DCX: variants seen among roughly 807,000 people sequenced by gnomAD.
DCX encodes doublecortin.
DCX carries 4 observed loss-of-function variants against 20.9 expected under a neutral mutation model. That is an observed-to-expected ratio of 0.19 (90% confidence interval 0.09 to 0.44). The LOEUF (loss-of-function observed/expected upper bound fraction) is 0.44. Ranked by LOEUF, DCX falls within the 20% of genes least tolerant of loss-of-function variation. The pLI, the probability that DCX is intolerant of heterozygous loss-of-function variation, is 0.99. For missense variants in DCX, 133 were observed against 296.9 expected (o/e 0.45, Z 4.06); for synonymous variants, 103 against 111.4 (o/e 0.92, Z 0.47).
chrX:111,393,342 A>G (rs1025943306), intron 3 of DCX, among the ~76,000 whole-genome samples: 4 of 112,121 alleles, frequency 3.6e-5, no homozygotes, highest in African/African-American at 1.3e-4. Context: ...AATGGATCAG[A>G]GATTTAAATC....
chrX:111,362,977 T>C (rs184366666), intron 3 of DCX, among the ~76,000 whole-genome samples: 3 of 112,262 alleles, frequency 2.7e-5, no homozygotes, highest in African/African-American at 9.7e-5. Context: ...GTTTACAGGC[T>C]GGTAGAGGAG....
intron 3 of DCX, among the ~76,000 whole-genome samples, chrX:111,387,236 T>C (rs1477288778): frequency 8.9e-6 from 1 of 112,039 alleles, no homozygotes; most frequent in Non-Finnish European, 1.9e-5. Flanking sequence ...TTAATTTCTT[T>C]GAAAACCAGA....
At chrX:111,381,780 C>T (rs1925990723) in intron 3 of DCX, among the ~76,000 whole-genome samples, 1 of 111,187 alleles carries the variant, frequency 9.0e-6, no homozygotes, top group Non-Finnish European at 1.9e-5. Context: ...GGCTATGTGT[C>T]GTAAAACAAA....
chrX:111,316,090 A>T (rs187387293), intron 5 of DCX, among the ~76,000 whole-genome samples: 3,286 of 82,728 alleles, frequency 0.04, 165 homozygotes, highest in African/African-American at 0.2. Context: ...AAAAAATAAA[A>T]AAAAAAAAAA....
At chrX:111,315,158 C>A (rs1170253372) in intron 5 of DCX, among the ~76,000 whole-genome samples, 1 of 105,931 alleles carries the variant, frequency 9.4e-6, no homozygotes, top group African/African-American at 3.6e-5. Context: ...AGGAAGGGAT[C>A]CAGTTTCAGC....
intron 3 of DCX, among the ~76,000 whole-genome samples, chrX:111,370,845 C>T (rs1303344241): frequency 9.0e-6 from 1 of 111,388 alleles, no homozygotes; most frequent in Non-Finnish European, 1.9e-5. Context: ...GAAGAAATCC[C>T]CAGCATCAGT....
intron 3 of DCX, among the ~76,000 whole-genome samples, chrX:111,370,794 A>G (rs984091071): frequency 1.8e-5 from 2 of 110,686 alleles, no homozygotes; most frequent in African/African-American, 3.3e-5. Context: ...AAAAAAAAAA[A>G]TACATGTTCC....
rs779253686 is a variant in DCX, at chrX:111,312,718, C to T, written c.965G>A (p.Ser322Asn). 8.3e-7 allele frequency: 1 copy of T among 1,211,604 alleles called. No individual in the cohort carries two copies. Among genetic ancestry groups the T allele is most frequent in the Non-Finnish European group, 1.1e-6 (1 of 895,480 alleles). Residue 322 changes from serine (S) to asparagine (N), a missense_variant, in exon 6 of 7, where the codon AGC becomes AAC. Transcript: ENST00000636035. ...CTTAGACTTGGGGGTAGAGAGCTGG[C>T]TGCTGGAGGTTCCGTTTGCTAGCCC... ...NDQDANGTSS[S>N]QLSTPKSKQS...
intron 6 of DCX, among the ~76,000 whole-genome samples, chrX:111,310,603 T>C (rs1397738306): frequency 1.8e-5 from 2 of 112,111 alleles, no homozygotes; most frequent in African/African-American, 6.5e-5. Context: ...CAAATTTAAA[T>C]GTTTACTTTA....
At chrX:111,391,747 C>A (rs755172334) in intron 3 of DCX, among the ~76,000 whole-genome samples, 1 of 111,674 alleles carries the variant, frequency 9.0e-6, no homozygotes, top group African/African-American at 3.3e-5. Flanking sequence ...TGGTCGATGA[C>A]AACTGGGCTA....
chrX:111,339,517 T>C (rs1303338201), intron 3 of DCX, among the ~76,000 whole-genome samples: 1 of 111,919 alleles, frequency 8.9e-6, no homozygotes, highest in Admixed American at 9.5e-5. Context: ...ATTTGGCCCC[T>C]TGACCTTGAA....
intron 3 of DCX, among the ~76,000 whole-genome samples, chrX:111,361,272 A>C (rs901783489): frequency 8.9e-6 from 1 of 112,207 alleles, no homozygotes; most frequent in African/African-American, 3.2e-5. Context: ...AATTACCTAA[A>C]AGTGATAATG....
intron 3 of DCX, among the ~76,000 whole-genome samples, chrX:111,348,726 A>C (rs1006946428): frequency 9.0e-6 from 1 of 110,747 alleles, no homozygotes; most frequent in African/African-American, 3.3e-5. Flanking sequence ...CTGTTTAGTA[A>C]GGTCAATTAA....
intron 4 of DCX, among the ~76,000 whole-genome samples, chrX:111,332,023 C>T (rs370735565): frequency 1.2e-3 from 136 of 112,661 alleles, no homozygotes; most frequent in African/African-American, 4.2e-3. Flanking sequence ...ATAGTCTCTC[C>T]TTTCCTTTAA....
chrX:111,309,963 T>A (rs1428798097), intron 6 of DCX, among the ~76,000 whole-genome samples: 3 of 112,452 alleles, frequency 2.7e-5, no homozygotes, highest in African/African-American at 9.7e-5. Flanking sequence ...AAAATCCTTG[T>A]TCTTAGGAAC....
intron 3 of DCX, among the ~76,000 whole-genome samples, chrX:111,363,668 T>A (rs1355523654): frequency 1.8e-5 from 2 of 111,123 alleles, no homozygotes; most frequent in African/African-American, 6.5e-5. Flanking sequence ...TGAAGAAGCT[T>A]TCCATCTAGT....
intron 3 of DCX, among the ~76,000 whole-genome samples, chrX:111,334,933 C>G (rs1166406728): frequency 8.9e-6 from 1 of 111,990 alleles, no homozygotes; most frequent in Non-Finnish European, 1.9e-5. Flanking sequence ...AATAGGCATC[C>G]TGCATATTGT....
chrX:111,380,027 T>G (rs767727017), intron 3 of DCX, among the ~76,000 whole-genome samples: 4 of 111,694 alleles, frequency 3.6e-5, no homozygotes, highest in Non-Finnish European at 7.5e-5. Context: ...AAAATTGGAC[T>G]ATTATCTTTT....
chrX:111,298,627 C>T lies in DCX; in HGVS notation c.*3060G>A, dbSNP rs781041715. 8.9e-5 allele frequency: 10 copies of T among 111,853 alleles called. No homozygotes were observed. The East Asian group carries it at 1.4e-3, about 16-fold the overall frequency. The allele number at this position is 111,853 out of a possible 1,213,427, so 9.2% of individuals were successfully genotyped here. ...GGGAAATTACTTTACCTCTGTGTCT[C>T]GGTTTCCTGGCCTGAAGAATGAGAA... On this transcript the variant is annotated 3_prime_UTR_variant, in exon 7 of 7. Transcript: ENST00000636035.
Sources: allele counts gnomAD v4.1 joint callset (sites outside exome capture counted in the v4.1 genomes callset), GRCh38; gene constraint gnomAD v4.1.1; transcripts MANE v1.5; gene names NCBI Gene and HGNC (gene_info 2026-07-23, HGNC 2026-07-21).